Variants in ORAI2 observed in about 807,000 individuals in gnomAD.
ORAI2 encodes ORAI calcium release-activated calcium modulator 2, also known as protein orai-2.
In ORAI2, 10 loss-of-function variants were observed where a neutral mutation model predicts 16.2. That is an observed-to-expected ratio of 0.62 (90% CI 0.38 to 1.04). The LOEUF (loss-of-function observed/expected upper bound fraction) is 1.04, where lower values mean the gene tolerates loss of function less well. Among genes scored for constraint, ORAI2 ranks in the 50% least tolerant of loss-of-function variants. ORAI2 has a pLI of 0.01. For missense variants in ORAI2, 238 were observed against 355.5 expected (o/e 0.67, Z 2.66); for synonymous variants, 150 against 157.5 (o/e 0.95, Z 0.35).
At position 102,446,924 on chromosome 7, in the gene ORAI2, G is replaced by A; in HGVS notation, c.637G>A (p.Val213Ile). ...GGTGCCCGTGGGCCTCATCTTCGTGGTCTTCACCATCCACTTCTACCGCTC... is the reference window on the plus strand; with the variant it reads ...GGTGCCCGTGGGCCTCATCTTCGTGATCTTCACCATCCACTTCTACCGCTC... ...IMVPVGLIFVVFTIHFYRSLV... is the reference protein window; with the variant it reads ...IMVPVGLIFVIFTIHFYRSLV... Residue 213 changes from valine to isoleucine, a missense_variant, in exon 4 of 4, where the codon GTC becomes ATC. Val to Ile is a conservative substitution (Grantham distance 29). This residue lies in a region of ORAI2 where 176 missense variants were observed against 265.9 expected (regional missense o/e 0.66). Coordinates refer to ENST00000495936, the MANE Select transcript of ORAI2 (RefSeq NM_001126340.3). 2 of 1,612,892 alleles carry A rather than the reference G, an allele frequency of 1.2e-6. No homozygotes were observed. The highest frequency in any genetic ancestry group is 1.7e-6 in the Non-Finnish European group (2 of 1,179,976).
intron 3 of ORAI2, 45 bp from the exon 4 acceptor site, chr7:102,446,468 C>CTT: frequency 6.4e-7 from 1 of 1,559,522 alleles, no homozygotes; most frequent in Non-Finnish European, 8.7e-7. Flanking sequence ...GGGGCCATAC[C>CTT]TTGCCCTCTC....
chr7:102,447,260 A>G lies in ORAI2; in HGVS notation c.*208A>G. 1 of 627,766 alleles carries G rather than the reference A, an allele frequency of 1.6e-6. No individual in the cohort carries two copies. The highest frequency in any genetic ancestry group is 2.6e-6 in the Non-Finnish European group (1 of 378,190). 38.9% of individuals were successfully genotyped at this position (627,766 alleles called of 1,614,324 possible). On this transcript the variant is annotated 3_prime_UTR_variant, in exon 4 of 4. Transcript: ENST00000495936. ...CTGTGTTGCTAAGAGCGTTGGGGGC[A>G]AAGCCAGGCTGGTTCCTTGGCCTCG...
Position 102,450,616 on chromosome 7 carries a change from A to C in ORAI2, c.*3564A>C, listed in dbSNP as rs1257677788. 6.6e-6 allele frequency: 1 copy of C among 152,248 alleles called. No homozygotes were observed. The highest frequency in any genetic ancestry group is 2.4e-5 in the African/African-American group (1 of 41,452). 9.4% of individuals were successfully genotyped at this position (152,248 alleles called of 1,614,324 possible). ...CTGATTAGGAGGATGACAGTCTTGG[A>C]ATTTCTTGTTCTCTTTCTCCTAGGG... On this transcript the variant is annotated 3_prime_UTR_variant, in exon 4 of 4. Coordinates refer to ENST00000495936, the MANE Select transcript of ORAI2 (RefSeq NM_001126340.3).
Position 102,456,715 on chromosome 7 carries a change from T to C in ORAI2, c.*9663T>C, listed in dbSNP as rs1797658875. 1 of 152,140 alleles carries C rather than the reference T, an allele frequency of 6.6e-6. No homozygotes were observed. The highest frequency in any genetic ancestry group is 1.5e-5 in the Non-Finnish European group (1 of 68,030). The allele number at this position is 152,140 out of a possible 1,614,324, so 9.4% of individuals were successfully genotyped here. ...AGCTCTTTAGTCTAAACTTCAAATC[T>C]TCAACCCTGTTCCCTAATCCAACAC... On this transcript the variant is annotated 3_prime_UTR_variant, in exon 4 of 4. Coordinates refer to ENST00000495936, the MANE Select transcript of ORAI2 (RefSeq NM_001126340.3).
At chr7:102,439,265 C>T (rs536066489) in intron 3 of ORAI2, 84 bp downstream of exon 3, 75 of 1,170,092 alleles carry the variant, frequency 6.4e-5, no homozygotes, top group Non-Finnish European at 9.1e-5. Context: ...GGACCAGAGC[C>T]TTCCCTCCAG....
chr7:102,445,697 C>G (rs1797333952), intron 3 of ORAI2, among the ~76,000 whole-genome samples: 1 of 151,368 alleles, frequency 6.6e-6, no homozygotes, highest in Admixed American at 6.6e-5. Flanking sequence ...CTCCCAGCAG[C>G]CTGGAATTCC....
At chr7:102,444,070 G>T (rs1013679560) in intron 3 of ORAI2, among the ~76,000 whole-genome samples, 1 of 151,962 alleles carries the variant, frequency 6.6e-6, no homozygotes, top group African/African-American at 2.4e-5. Flanking sequence ...AGAGGTGGCA[G>T]TTGCTGAAGG....
chr7:102,443,111 TTCTTCTTCTTCTTCTTCTTC>T (rs1470857297), intron 3 of ORAI2, among the ~76,000 whole-genome samples: 1 of 119,450 alleles, frequency 8.4e-6, no homozygotes, highest in African/African-American at 3.5e-5. Flanking sequence ...CTTCTTCTTC[TTCTTCTTCTTCTTCTTCTTC>T]TTTTTTTTTT....
At chr7:102,443,273 C>G (rs56298567) in intron 3 of ORAI2, among the ~76,000 whole-genome samples, 8,468 of 144,734 alleles carry the variant, frequency 0.059, 889 homozygotes, top group African/African-American at 0.21. Context: ...CCCCTTTTCT[C>G]CTTTTTTTTT....
intron 1 of ORAI2, among the ~76,000 whole-genome samples, chr7:102,435,384 A>G (rs1224804711): frequency 6.6e-6 from 1 of 152,100 alleles, no homozygotes; most frequent in African/African-American, 2.4e-5. Flanking sequence ...GATTACAGGC[A>G]TGAGGCACTT....
Position 102,449,855 on chromosome 7 carries a change from G to T in ORAI2, c.*2803G>T, listed in dbSNP as rs1392190843. 2.0e-5 allele frequency: 3 copies of T among 152,270 alleles called. No individual in the cohort carries two copies. Among genetic ancestry groups the T allele is most frequent in the Non-Finnish European group, 4.4e-5 (3 of 68,106 alleles). 9.4% of individuals were successfully genotyped at this position (152,270 alleles called of 1,614,324 possible). On this transcript the variant is annotated 3_prime_UTR_variant, in exon 4 of 4. Coordinates refer to ENST00000495936, the MANE Select transcript of ORAI2 (RefSeq NM_001126340.3). ...AACTGTGCTAGTGGCCGGGCGCAGT[G>T]GCTCACGCCTATAATCCCAGCACTT...
intron 3 of ORAI2, among the ~76,000 whole-genome samples, chr7:102,442,717 G>A (rs1797238432): frequency 6.6e-6 from 1 of 151,622 alleles, no homozygotes; most frequent in Admixed American, 6.6e-5. Flanking sequence ...TTAGCCAGGC[G>A]TGGTGGCTGG....
At position 102,447,099 on chromosome 7, in the gene ORAI2, C is replaced by T. The variant is rs1797392258; in HGVS notation, c.*47C>T. 1.4e-6 allele frequency: 2 copies of T among 1,467,820 alleles called. No homozygotes were observed. Among genetic ancestry groups the T allele is most frequent in the Admixed American group, 5.0e-5 (2 of 39,730 alleles). The allele number at this position is 1,467,820 out of a possible 1,614,324, so 90.9% of individuals were successfully genotyped here. On this transcript the variant is annotated 3_prime_UTR_variant, in exon 4 of 4. Transcript: ENST00000495936. Reference sequence around the variant, plus strand: ...GAGCGGCCCTGTGCCCGGGAGTCCGCAGAGGCGGGGATTTGTCAGATGCAG... The same window carrying T: ...GAGCGGCCCTGTGCCCGGGAGTCCGTAGAGGCGGGGATTTGTCAGATGCAG...
At chr7:102,437,795 A>G (rs112059666) in intron 2 of ORAI2, among the ~76,000 whole-genome samples, 6,312 of 152,282 alleles carry the variant, frequency 0.041, 184 homozygotes, top group Non-Finnish European at 0.06. Context: ...CCACACGTGT[A>G]ATCCCAGCAC....
chr7:102,444,667 T>TC lies in ORAI2; in HGVS notation c.226-1846_226-1845insC, dbSNP rs1274602868. Among the ~76,000 whole-genome samples, 10 of 144,062 alleles carry TC rather than the reference T, an allele frequency of 6.9e-5. No homozygotes were observed. In the East Asian group the frequency reaches 1.8e-3, roughly 26 times the overall value. 94.5% of individuals were successfully genotyped at this position (144,062 alleles called of 152,430 possible). A position where few individuals can be genotyped will look rare whatever the true frequency, so the allele number is the denominator to read the frequency against. ...GAAGAACCTTCCCCAGGCTTCTTCT[T>TC]TTTTTTTTTTTTTTTTGAGACAAAG... is the stretch of plus-strand genomic sequence containing the variant. On this transcript the variant is annotated intron_variant, in intron 3 of 3. Transcript: ENST00000495936.
At chr7:102,435,536 C>CT (rs56680127) in intron 1 of ORAI2, among the ~76,000 whole-genome samples, 122 of 121,526 alleles carry the variant, frequency 1.0e-3, no homozygotes, top group African/African-American at 3.1e-3. Flanking sequence ...GCCCCCCCCT[C>CT]TTTTTTTTTT....
At position 102,446,980 on chromosome 7, in the gene ORAI2, C is replaced by T. The variant is rs776469929; in HGVS notation, c.693C>T (p.Asn231=). The T allele has an allele frequency of 6.2e-6, 10 of 1,602,010 alleles. No homozygotes were observed. In the East Asian group the frequency reaches 2.0e-4, roughly 33 times the overall value. Residue 231 remains asparagine (N), a synonymous_variant, in exon 4 of 4, where the codon AAC becomes AAT. Coordinates refer to ENST00000495936, the MANE Select transcript of ORAI2 (RefSeq NM_001126340.3). ...SLVRHKTERH[N]REIEELHKLK... ...TGCGCCACAAAACGGAGCGCCACAA[C>T]CGCGAGATCGAGGAGCTCCACAAGC... is the stretch of plus-strand genomic sequence containing the variant.
chr7:102,441,692 T>C (rs1055265362), intron 3 of ORAI2, among the ~76,000 whole-genome samples: 14 of 151,996 alleles, frequency 9.2e-5, no homozygotes, highest in Non-Finnish European at 2.1e-4. Flanking sequence ...CCCCAAGTAT[T>C]TTTGACCTGC....
rs1044589587 is a variant in ORAI2, at chr7:102,439,264, C to G, written c.225+83C>G. 1.1e-5 allele frequency: 13 copies of G among 1,168,350 alleles called. No individual in the cohort carries two copies. The Admixed American group carries it at 2.6e-4, about 23-fold the overall frequency. The allele number at this position is 1,168,350 out of a possible 1,614,324, so 72.4% of individuals were successfully genotyped here. The stretch of plus-strand genomic sequence containing the variant: ...TCCCGGGATGCCTCAGGGACCAGAG[C>G]CTTCCCTCCAGTCTCTGGCAGCCAG... On this transcript the variant is annotated intron_variant, in intron 3 of 3. Coordinates refer to ENST00000495936, the MANE Select transcript of ORAI2 (RefSeq NM_001126340.3).
Sources: gnomAD v4.1 joint callset for allele counts (sites outside exome capture counted in the v4.1 genomes callset) on GRCh38, gnomAD v4.1.1 for gene constraint, gnomAD v4.1.1 regional missense constraint, MANE v1.5 for transcripts, NCBI Gene and HGNC (gene_info 2026-07-23, HGNC 2026-07-21) for gene names.